STXBP4: variants seen among roughly 807,000 people sequenced by gnomAD.
The protein encoded by STXBP4 is syntaxin binding protein 4.
In STXBP4, 55 loss-of-function variants were observed where a neutral mutation model predicts 76.1. That is an observed-to-expected ratio of 0.72 (90% CI 0.58 to 0.91). The LOEUF is 0.91. Among genes scored for constraint, STXBP4 ranks in the 40% least tolerant of loss-of-function variants. The pLI, the probability that STXBP4 is intolerant of heterozygous loss-of-function variation, is 0.00. For synonymous variants in STXBP4, 201 were observed against 220.2 expected (o/e 0.91, Z 0.77); for missense variants, 618 against 636.9 (o/e 0.97, Z 0.32).
chr17:55,032,055 A>C (rs1487541042), intron 9 of STXBP4, among the ~76,000 whole-genome samples: 1 of 152,138 alleles, frequency 6.6e-6, no homozygotes, highest in African/African-American at 2.4e-5. Flanking sequence ...TCTTAAGCCA[A>C]ATCCTCACAA....
At chr17:55,034,126 G>T in intron 9 of STXBP4, 42 bp from the exon 10 acceptor site, 1 of 1,421,352 alleles carries the variant, frequency 7.0e-7, no homozygotes, top group South Asian at 1.2e-5. Context: ...GATTTAGAAG[G>T]GGTTAAATGC....
chr17:55,047,833 A>G (rs1422966689), intron 12 of STXBP4, among the ~76,000 whole-genome samples: 1 of 151,938 alleles, frequency 6.6e-6, no homozygotes, highest in East Asian at 1.9e-4. Context: ...ATGTGACAAA[A>G]AAACACCACA....
At chr17:55,108,480 C>G (rs1242298320) in intron 16 of STXBP4, among the ~76,000 whole-genome samples, 1 of 152,180 alleles carries the variant, frequency 6.6e-6, no homozygotes, top group East Asian at 1.9e-4. Flanking sequence ...GCAACTAGCT[C>G]AGTGTCTGCC....
At chr17:55,138,071 T>C (rs1015194780) in intron 16 of STXBP4, among the ~76,000 whole-genome samples, 1 of 152,130 alleles carries the variant, frequency 6.6e-6, no homozygotes, top group Non-Finnish European at 1.5e-5. Flanking sequence ...ATTATCGATT[T>C]GTAGGAATTC....
chr17:55,190,904 C>T, the STXBP4 span, among the ~76,000 whole-genome samples: 2 of 152,154 alleles, frequency 1.3e-5, no homozygotes, highest in Non-Finnish European at 2.9e-5. Flanking sequence ...ATTTCCTTCA[C>T]ACATGGTGGG....
chr17:55,212,776 A>C, the STXBP4 span, among the ~76,000 whole-genome samples: 1 of 152,200 alleles, frequency 6.6e-6, no homozygotes, highest in Admixed American at 6.5e-5. Context: ...AATCATTTTT[A>C]TGATGCTTAT....
At chr17:54,974,933 T>C (rs2077450103) in intron 1 of STXBP4, among the ~76,000 whole-genome samples, 2 of 152,190 alleles carry the variant, frequency 1.3e-5, no homozygotes, top group African/African-American at 4.8e-5. Flanking sequence ...TTCCAGTTCA[T>C]AGGGTCATTG....
At chr17:54,981,924 A>G (rs1231874132) in intron 1 of STXBP4, among the ~76,000 whole-genome samples, 10 of 152,328 alleles carry the variant, frequency 6.6e-5, no homozygotes, top group African/African-American at 2.2e-4. Context: ...TTCTTAAAGC[A>G]TAAAAAAACT....
intron 8 of STXBP4, among the ~76,000 whole-genome samples, chr17:55,030,232 C>T (rs2078482144): frequency 6.6e-6 from 1 of 152,192 alleles, no homozygotes; most frequent in Non-Finnish European, 1.5e-5. Flanking sequence ...AATTATCTTT[C>T]TGTTCCACCA....
chr17:55,043,791 C>A, intron 11 of STXBP4: 2 of 643,476 alleles, frequency 3.1e-6, no homozygotes, highest in Non-Finnish European at 2.6e-6. Context: ...ACACATATCC[C>A]AAATATACTG....
chr17:55,109,403 A>C (rs937360657), intron 16 of STXBP4, among the ~76,000 whole-genome samples: 6 of 152,084 alleles, frequency 3.9e-5, no homozygotes, highest in Admixed American at 6.6e-5. Flanking sequence ...TGCTGTGTAC[A>C]AGGCACTATG....
chr17:55,174,840 C>T (rs913155609), downstream of STXBP4, among the ~76,000 whole-genome samples: 1 of 152,122 alleles, frequency 6.6e-6, no homozygotes, highest in African/African-American at 2.4e-5. Flanking sequence ...CTATATTCCT[C>T]TTAGATAATG....
At chr17:55,076,778 T>C (rs565588794) in intron 13 of STXBP4, among the ~76,000 whole-genome samples, 1 of 152,280 alleles carries the variant, frequency 6.6e-6, no homozygotes, top group Admixed American at 6.5e-5. Flanking sequence ...TCAGATTGGA[T>C]GTGTGCTATA....
intron 12 of STXBP4, among the ~76,000 whole-genome samples, chr17:55,049,023 C>T (rs2078826070): frequency 6.6e-6 from 1 of 151,832 alleles, no homozygotes; most frequent in Admixed American, 6.6e-5. Flanking sequence ...GATTAAGCAA[C>T]TTATGAAGGC....
chr17:55,176,641 G>A (rs1433826814), downstream of STXBP4, among the ~76,000 whole-genome samples: 1 of 152,208 alleles, frequency 6.6e-6, no homozygotes. Context: ...CAGTTTTACT[G>A]TGTTGAGGGA....
intron 16 of STXBP4, among the ~76,000 whole-genome samples, chr17:55,135,285 A>G (rs1295895656): frequency 6.6e-6 from 1 of 152,130 alleles, no homozygotes; most frequent in Non-Finnish European, 1.5e-5. Flanking sequence ...AATAGCTCAT[A>G]TCTAATTACG....
chr17:55,180,116 C>G, the STXBP4 span, among the ~76,000 whole-genome samples: 1 of 152,170 alleles, frequency 6.6e-6, no homozygotes, highest in Non-Finnish European at 1.5e-5. Context: ...ATACTCATCT[C>G]TGAGCTGCAG....
At chr17:55,201,664 T>A in the STXBP4 span, among the ~76,000 whole-genome samples, 1 of 152,204 alleles carries the variant, frequency 6.6e-6, no homozygotes, top group Non-Finnish European at 1.5e-5. Context: ...ACGTTACTGC[T>A]AAGGTCGTAG....
chr17:55,070,680 C>G (rs1422897498), intron 12 of STXBP4, among the ~76,000 whole-genome samples: 1 of 151,984 alleles, frequency 6.6e-6, no homozygotes, highest in African/African-American at 2.4e-5. Context: ...TCATGCCTGC[C>G]ATTTCTACCA....
Sources: allele counts gnomAD v4.1 joint callset (sites outside exome capture counted in the v4.1 genomes callset), GRCh38; gene constraint gnomAD v4.1.1; transcripts MANE v1.5; gene names NCBI Gene and HGNC (gene_info 2026-07-23, HGNC 2026-07-21).